The following DCTN4 variants were observed in gnomAD, a reference collection of about 807,000 sequenced individuals.
The protein encoded by DCTN4 is dynactin 4 (p62).
A neutral mutation model predicts 62.7 loss-of-function variants in DCTN4; 23 were observed. The observed-to-expected ratio is 0.37, with a 90% CI of 0.26 to 0.52. The LOEUF (loss-of-function observed/expected upper bound fraction) is 0.52. DCTN4 is among the 20% of genes least tolerant of loss of function. The pLI, the probability that DCTN4 is intolerant of heterozygous loss-of-function variation, is 0.92. For synonymous variants in DCTN4, 199 were observed against 202.1 expected (o/e 0.98, Z 0.13); for missense variants, 514 against 580.4 (o/e 0.89, Z 1.18).
At position 150,729,046 on chromosome 5, in the gene DCTN4, T is replaced by C. The variant is rs1364428517; in HGVS notation, c.834+1585A>G. 1.1e-3 allele frequency among the ~76,000 whole-genome samples: 124 copies of C among 114,978 alleles called. 10 individuals are homozygous for C. The highest frequency in any genetic ancestry group is 4.7e-3 in the African/African-American group (119 of 25,174). 75.4% of individuals were successfully genotyped at this position (114,978 alleles called of 152,430 possible). A position where few individuals can be genotyped will look rare whatever the true frequency, so the allele number is the denominator to read the frequency against. On this transcript the variant is annotated intron_variant, in intron 8 of 12. Transcript: ENST00000447998. The stretch of plus-strand genomic sequence containing the variant: ...GTGTGTGAACCACCACACTGGCTTT[T>C]TTTTTTTTTTTTTTTTTTTTTTTTT...
chr5:150,738,731 A>G (rs1362322276), intron 4 of DCTN4, among the ~76,000 whole-genome samples: 1 of 152,204 alleles, frequency 6.6e-6, no homozygotes, highest in Non-Finnish European at 1.5e-5. Flanking sequence ...TACCACTTCT[A>G]TTCAACACAG....
chr5:150,715,471 G>A (rs1240869388), intron 12 of DCTN4, 94 bp downstream of exon 12: 1 of 928,224 alleles, frequency 1.1e-6, no homozygotes, highest in Non-Finnish European at 1.6e-6. Context: ...GAAGAAAAAA[G>A]TTATTTTAAA....
At chr5:150,717,311 G>A (rs984414087) in intron 11 of DCTN4, among the ~76,000 whole-genome samples, 7 of 152,116 alleles carry the variant, frequency 4.6e-5, no homozygotes, top group African/African-American at 1.2e-4. Flanking sequence ...GTGCAGTGGC[G>A]CGATCTCAGC....
intron 3 of DCTN4, among the ~76,000 whole-genome samples, chr5:150,750,866 G>A (rs530662210): frequency 6.6e-6 from 1 of 152,230 alleles, no homozygotes; most frequent in Non-Finnish European, 1.5e-5. Context: ...TAAACTGGGT[G>A]ATAAGTACAT....
At position 150,723,547 on chromosome 5, in the gene DCTN4, C is replaced by T. The variant is rs188285802; in HGVS notation, c.835-567G>A. Among the ~76,000 whole-genome samples, 248 of 152,330 alleles carry T rather than the reference C, an allele frequency of 1.6e-3. 1 individual carries two copies. Among genetic ancestry groups the T allele is most frequent in the African/African-American group, 5.8e-3 (239 of 41,564 alleles). Reference sequence around the variant, plus strand: ...GCAGTGGCACAATCAAAGCTCACTACAGCCTCCAACTCCTGGGCTCAAGTA... The same window carrying T: ...GCAGTGGCACAATCAAAGCTCACTATAGCCTCCAACTCCTGGGCTCAAGTA... On this transcript the variant is annotated intron_variant, in intron 8 of 12. Coordinates refer to ENST00000447998, the MANE Select transcript of DCTN4 (RefSeq NM_016221.4).
intron 8 of DCTN4, among the ~76,000 whole-genome samples, chr5:150,727,573 G>A (rs892806957): frequency 3.3e-5 from 5 of 151,760 alleles, no homozygotes; most frequent in Non-Finnish European, 5.9e-5. Context: ...TCAGAAGATC[G>A]AGACCATCCC....
At chr5:150,730,109 A>G (rs1760305053) in intron 8 of DCTN4, among the ~76,000 whole-genome samples, 1 of 152,198 alleles carries the variant, frequency 6.6e-6, no homozygotes, top group South Asian at 2.1e-4. Context: ...CCTAGTGGCT[A>G]TCATGCGGGA....
intron 4 of DCTN4, among the ~76,000 whole-genome samples, chr5:150,736,541 T>C (rs897213645): frequency 6.6e-6 from 1 of 152,200 alleles, no homozygotes; most frequent in African/African-American, 2.4e-5. Flanking sequence ...ATAAAGTCTT[T>C]TTCAGACACA....
intron 12 of DCTN4, 118 bp from the exon 13 acceptor site, chr5:150,711,480 A>G: frequency 1.3e-6 from 1 of 785,080 alleles, no homozygotes; most frequent in South Asian, 1.7e-5. Context: ...AAAACCTATA[A>G]ACACTTTGTT....
chr5:150,745,562 G>A (rs916283437), intron 3 of DCTN4, among the ~76,000 whole-genome samples: 3 of 152,126 alleles, frequency 2.0e-5, no homozygotes, highest in Non-Finnish European at 4.4e-5. Flanking sequence ...CTCAGCAAAT[G>A]TAAAATAACA....
At chr5:150,742,052 C>A in intron 4 of DCTN4, 62 bp downstream of exon 4, 1 of 1,429,062 alleles carries the variant, frequency 7.0e-7, no homozygotes, top group Non-Finnish European at 9.9e-7. Flanking sequence ...AATGCAAGAT[C>A]TTCAGTCTTT....
At chr5:150,728,335 A>G (rs750626477) in intron 8 of DCTN4, among the ~76,000 whole-genome samples, 2 of 152,208 alleles carry the variant, frequency 1.3e-5, no homozygotes, top group South Asian at 2.1e-4. Flanking sequence ...ATCAACCTTT[A>G]TAAGTGTTCT....
At chr5:150,749,515 TG>T (rs1409883218) in intron 3 of DCTN4, among the ~76,000 whole-genome samples, 1 of 152,136 alleles carries the variant, frequency 6.6e-6, no homozygotes, top group African/African-American at 2.4e-5. Flanking sequence ...TCAGTCACTT[TG>T]GAAAACAGTT....
chr5:150,755,429 C>A, intron 2 of DCTN4: 1 of 421,390 alleles, frequency 2.4e-6, no homozygotes, highest in Non-Finnish European at 4.7e-6. Flanking sequence ...GTGGAGAAAC[C>A]TGACAAACAC....
chr5:150,738,838 T>C (rs1380696252), intron 4 of DCTN4, among the ~76,000 whole-genome samples: 1 of 152,178 alleles, frequency 6.6e-6, no homozygotes, highest in Non-Finnish European at 1.5e-5. Context: ...TTGCCAATGA[T>C]ATGATCGTAT....
intron 3 of DCTN4, among the ~76,000 whole-genome samples, chr5:150,747,113 A>G (rs951291105): frequency 7.2e-5 from 11 of 152,154 alleles, no homozygotes; most frequent in Non-Finnish European, 1.5e-4. Flanking sequence ...AAATCAATGT[A>G]CAAAAATCAC....
At chr5:150,718,503 C>T in intron 10 of DCTN4, 120 bp from the exon 11 acceptor site, 4 of 655,176 alleles carry the variant, frequency 6.1e-6, no homozygotes, top group Non-Finnish European at 8.2e-6. Flanking sequence ...ACTTATACCT[C>T]TACATCACTG....
chr5:150,756,274 C>T, intron 2 of DCTN4, 143 bp downstream of exon 2: 1 of 488,202 alleles, frequency 2.0e-6, no homozygotes, highest in East Asian at 3.6e-5. Flanking sequence ...ACCTCTTGAC[C>T]TCGTGATCCC....
chr5:150,720,004 C>G (rs894434391), intron 9 of DCTN4, among the ~76,000 whole-genome samples: 24 of 151,922 alleles, frequency 1.6e-4, no homozygotes, highest in African/African-American at 5.8e-4. Flanking sequence ...ACTGCCCAGG[C>G]CCCAGATTAG....
Sources: allele counts gnomAD v4.1 joint callset (sites outside exome capture counted in the v4.1 genomes callset), GRCh38; gene constraint gnomAD v4.1.1; transcripts MANE v1.5; gene names NCBI Gene and HGNC (gene_info 2026-07-23, HGNC 2026-07-21).